Variants in HAL observed in about 807,000 individuals in gnomAD.
HAL encodes the protein histidase.
A neutral mutation model predicts 81.1 loss-of-function variants in HAL; 85 were observed. The observed-to-expected ratio is 1.05, with a 90% CI of 0.88 to 1.25. HAL has a LOEUF of 1.25. HAL is among the 50% of genes most tolerant of loss of function. HAL has a pLI of 0.00. For synonymous variants in HAL, 301 were observed against 309.2 expected, an observed-to-expected ratio of 0.97 and a Z score of 0.28; for missense variants, 798 against 836.6, an observed-to-expected ratio of 0.95 and a Z score of 0.57.
intron 17 of HAL, among the ~76,000 whole-genome samples, chr12:95,979,608 G>T (rs985665984): frequency 6.6e-6 from 1 of 152,150 alleles, no homozygotes; most frequent in Non-Finnish European, 1.5e-5. Context: ...TAAAGTAAAG[G>T]ATGCCCAGTT....
chr12:95,988,525 T>C (rs1469977487), intron 10 of HAL, among the ~76,000 whole-genome samples: 3 of 152,202 alleles, frequency 2.0e-5, no homozygotes, highest in Non-Finnish European at 4.4e-5. Context: ...TCGTGTTCAG[T>C]TTCTACCTTA....
intron 11 of HAL, 102 bp from the exon 12 acceptor site, chr12:95,987,316 G>A: frequency 1.1e-6 from 1 of 921,520 alleles, no homozygotes; most frequent in Non-Finnish European, 1.8e-6. Flanking sequence ...AAATTAGCCA[G>A]TCATAAACAT....
At position 95,990,409 on chromosome 12, in the gene HAL, C is replaced by T. The variant is rs1172156834; in HGVS notation, c.839G>A (p.Trp280Ter). Reference protein sequence around the residue: ...EGKMWSPKSGWADAKYVLEAH... With the variant: ...EGKMWSPKSG The stretch of plus-strand genomic sequence containing the variant: ...GAGTCTTACGTATTTAGCATCAGCC[C>T]AGCCACTCTTCGGAGACCACATCTT... The change falls in exon 10 of 21, where the codon TGG becomes TAG. Residue 280 changes from tryptophan to a stop codon, truncating the protein, a stop_gained. Coordinates refer to ENST00000261208, the MANE Select transcript of HAL (RefSeq NM_002108.4). LOFTEE classifies it high-confidence loss of function. 2.5e-6 allele frequency: 4 copies of T among 1,613,500 alleles called. No individual in the cohort carries two copies. The highest frequency in any genetic ancestry group is 3.4e-6 in the Non-Finnish European group (4 of 1,179,526).
intron 2 of HAL, 184 bp from the exon 3 acceptor site, chr12:95,995,177 T>C (rs1950018735): frequency 3.0e-6 from 2 of 659,418 alleles, no homozygotes; most frequent in Non-Finnish European, 5.5e-6. Flanking sequence ...AGCAGAAAGG[T>C]AGGTGTCAGG....
At chr12:95,993,731 A>G in intron 7 of HAL, 41 bp downstream of exon 7, 1 of 1,051,692 alleles carries the variant, frequency 9.5e-7, no homozygotes, top group Non-Finnish European at 1.5e-6. Context: ...TTAAAAGATG[A>G]GGGTAGGTGG....
At chr12:95,993,509 C>CCCTCTTAGATACATTTTG in intron 7 of HAL, 21 bp from the exon 8 acceptor site, 5 of 1,531,334 alleles carry the variant, frequency 3.3e-6, no homozygotes, top group Non-Finnish European at 4.5e-6. Context: ...AAGGTAAAAA[C>CCCTCTTAGATACATTTTG]CCTCTTAGAT....
At chr12:95,988,786 A>G (rs2136818205) in intron 10 of HAL, among the ~76,000 whole-genome samples, 1 of 152,348 alleles carries the variant, frequency 6.6e-6, no homozygotes, top group Non-Finnish European at 1.5e-5. Context: ...AGATGGAGAC[A>G]GAATCCCGAG....
At chr12:95,991,074 C>T (rs1949965058) in intron 9 of HAL, among the ~76,000 whole-genome samples, 1 of 152,172 alleles carries the variant, frequency 6.6e-6, no homozygotes, top group Admixed American at 6.5e-5. Flanking sequence ...TGTGCCACTG[C>T]ACTCCAGCCT....
intron 10 of HAL, among the ~76,000 whole-genome samples, chr12:95,989,107 G>A (rs1375204525): frequency 1.3e-5 from 2 of 152,206 alleles, no homozygotes; most frequent in Non-Finnish European, 2.9e-5. Flanking sequence ...TGCTAGGAGA[G>A]CATACAGGAG....
At chr12:95,985,886 T>TA in intron 14 of HAL, 22 bp downstream of exon 14, 1 of 1,015,700 alleles carries the variant, frequency 9.8e-7, no homozygotes, top group South Asian at 1.7e-5. Context: ...TTTATTGACC[T>TA]TTTTTTTTTT....
In HAL at chr12:95,977,454, G is replaced by A. The variant is rs148827982; in HGVS notation, c.1654+490C>T. Among the ~76,000 whole-genome samples, 14 of 151,784 alleles carry A rather than the reference G, an allele frequency of 9.2e-5. No homozygotes were observed. In the East Asian group the frequency reaches 2.5e-3, roughly 27 times the overall value. ...GGCCAAGAGTTTGAGACCAGCCAAG[G>A]CAACACAGCAAGACCCCATCTTTAC... On this transcript the variant is annotated intron_variant, in intron 18 of 20. Coordinates refer to ENST00000261208, the MANE Select transcript of HAL (RefSeq NM_002108.4).
intron 17 of HAL, 32 bp downstream of exon 17, chr12:95,980,524 C>T (rs759445404): frequency 1.1e-5 from 17 of 1,603,718 alleles, no homozygotes; most frequent in South Asian, 3.3e-5. Flanking sequence ...GATGGACGGG[C>T]GTGTGTTCTG....
rs889428124 is a variant in HAL at position 95,973,493 on chromosome 12, C to T, written c.*739G>A. 3 of 152,096 alleles carry T rather than the reference C, an allele frequency of 2.0e-5. No homozygotes were observed. Among genetic ancestry groups the T allele is most frequent in the Non-Finnish European group, 4.4e-5 (3 of 68,028 alleles). The allele number at this position is 152,096 out of a possible 1,614,324, so 9.4% of individuals were successfully genotyped here. ...ACACCAAGGAAGTGAAAATACTAAC[C>T]TCAAACTCCCATGTAAGCATTTGGG... On this transcript the variant is annotated 3_prime_UTR_variant, in exon 21 of 21. Coordinates refer to ENST00000261208, the MANE Select transcript of HAL (RefSeq NM_002108.4).
intron 15 of HAL, among the ~76,000 whole-genome samples, chr12:95,981,420 A>G (rs2080794134): frequency 6.6e-6 from 1 of 152,172 alleles, no homozygotes; most frequent in Non-Finnish European, 1.5e-5. Context: ...AATCCATTTT[A>G]AGTAGGTGGC....
chr12:95,988,733 G>A (rs1236948719), intron 10 of HAL, among the ~76,000 whole-genome samples: 2 of 152,166 alleles, frequency 1.3e-5, no homozygotes, highest in Admixed American at 6.5e-5. Flanking sequence ...TGTGGCACAT[G>A]TGTGAGCACC....
chr12:95,982,564 G>A (rs979977254), intron 15 of HAL, among the ~76,000 whole-genome samples: 2 of 152,228 alleles, frequency 1.3e-5, no homozygotes, highest in African/African-American at 2.4e-5. Flanking sequence ...TGGGGGATGG[G>A]GTGGTATTGA....
chr12:95,985,075 A>C (rs754636967), intron 14 of HAL, among the ~76,000 whole-genome samples: 71 of 152,218 alleles, frequency 4.7e-4, no homozygotes, highest in Non-Finnish European at 8.5e-4. Flanking sequence ...AAAGTTAAGC[A>C]TCACAAATTC....
chr12:95,988,383 A>T lies in HAL; in HGVS notation c.856-143T>A, dbSNP rs546512435. 11 of 682,734 alleles carry T rather than the reference A, an allele frequency of 1.6e-5. No individual in the cohort carries two copies. The Admixed American group carries it at 1.6e-4, about 10-fold the overall frequency. The allele number at this position is 682,734 out of a possible 1,614,324, so 42.3% of individuals were successfully genotyped here. A position where few individuals can be genotyped will look rare whatever the true frequency, so the allele number is the denominator to read the frequency against. On this transcript the variant is annotated intron_variant, in intron 10 of 20. Coordinates refer to ENST00000261208, the MANE Select transcript of HAL (RefSeq NM_002108.4). ...AGACCTACAGGAACTGGCTGTATTC[A>T]TGTTCTCTGGTCTATTCTCTAGTTC...
chr12:95,990,395 A>G lies in HAL; in HGVS notation c.853T>C (p.Tyr285His). The G allele has an allele frequency of 6.2e-7, 1 of 1,612,978 alleles. No homozygotes were observed. Among genetic ancestry groups the G allele is most frequent in the Non-Finnish European group, 8.5e-7 (1 of 1,178,942 alleles). ...SPKSGWADAK[Y>H]VLEAHGLKPV... ...ATAGAAGCTGCTACGAGTCTTACGT[A>G]TTTAGCATCAGCCCAGCCACTCTTC... is the stretch of plus-strand genomic sequence containing the variant. Residue 285 changes from tyrosine (Y) to histidine (H), a missense_variant and splice_region_variant, in exon 10 of 21, where the codon TAC becomes CAC. Physicochemically the swap from Tyr to His is moderately conservative, Grantham distance 83. Transcript: ENST00000261208.
Sources: allele counts gnomAD v4.1 joint callset (sites outside exome capture counted in the v4.1 genomes callset), GRCh38; gene constraint gnomAD v4.1.1; transcripts MANE v1.5; gene names NCBI Gene and HGNC (gene_info 2026-07-23, HGNC 2026-07-21).